The following FLT1 variants were observed in gnomAD, a reference collection of about 807,000 sequenced individuals.
FLT1 encodes the protein fms related receptor tyrosine kinase 1, also known as vascular endothelial growth factor receptor 1.
FLT1 carries 49 observed loss-of-function variants against 156.3 expected under a neutral mutation model. The ratio of observed to expected loss-of-function variants is 0.31; its 90% CI spans 0.25 to 0.40. FLT1 has a LOEUF of 0.40. Ranked by LOEUF, FLT1 falls within the 10% of genes least tolerant of loss-of-function variation. FLT1 has a pLI of 1.00. For synonymous variants in FLT1, 594 were observed against 583.8 expected, an observed-to-expected ratio of 1.02 and a Z score of -0.25; for missense variants, 1,322 against 1,637.2, an observed-to-expected ratio of 0.81 and a Z score of 3.32.
rs148225206 is a variant in FLT1, at chr13:28,340,847, C to A, written c.2356-1547G>T. Among the ~76,000 whole-genome samples, 981 of 150,968 alleles carry A rather than the reference C, an allele frequency of 6.5e-3. 10 individuals carry two copies. The highest frequency in any genetic ancestry group is 0.023 in the African/African-American group (949 of 41,228). On this transcript the variant is annotated intron_variant, in intron 16 of 29. Coordinates refer to ENST00000282397, the MANE Select transcript of FLT1 (RefSeq NM_002019.4). ...TCCATAAAGGATGAGAAGCAAAAAA[C>A]GATATGGAGCACGTTTGTCACAAAC...
At chr13:28,492,521 T>C (rs1358297840) in intron 1 of FLT1, among the ~76,000 whole-genome samples, 1 of 152,242 alleles carries the variant, frequency 6.6e-6, no homozygotes, top group East Asian at 1.9e-4. Context: ...ATTATCTTTT[T>C]GTAATACTGA....
chr13:28,379,716 A>G (rs1171288886), intron 14 of FLT1, among the ~76,000 whole-genome samples: 1 of 152,232 alleles, frequency 6.6e-6, no homozygotes, highest in Non-Finnish European at 1.5e-5. Flanking sequence ...TGCATGCTTA[A>G]GATCCCTTTT....
rs570010064 is a variant in FLT1, at chr13:28,395,344, G to A, written c.1660+1616C>T. 4.5e-4 allele frequency among the ~76,000 whole-genome samples: 68 copies of A among 152,172 alleles called. 1 individual carries two copies. Among genetic ancestry groups the A allele is most frequent in the Non-Finnish European group, 9.0e-4 (61 of 68,006 alleles). Reference sequence around the variant, plus strand: ...TCCCACCTTCTCTCTTCCTGTTCAGGTCCTGCTTCCTTCTCAGAGGCTTAC... The same window carrying A: ...TCCCACCTTCTCTCTTCCTGTTCAGATCCTGCTTCCTTCTCAGAGGCTTAC... On this transcript the variant is annotated intron_variant, in intron 12 of 29. Transcript: ENST00000282397.
intron 4 of FLT1, among the ~76,000 whole-genome samples, chr13:28,436,426 C>T (rs773938258): frequency 4.2e-4 from 64 of 152,176 alleles, no homozygotes; most frequent in African/African-American, 1.2e-4. Context: ...ATATATGTGC[C>T]AAACCAAAAT....
chr13:28,431,202 G>A lies in FLT1; in HGVS notation c.922C>T (p.Leu308Phe). The A allele has an allele frequency of 6.2e-7, 1 of 1,613,474 alleles. No individual in the cohort carries two copies. Among genetic ancestry groups the A allele is most frequent in the East Asian group, 2.2e-5 (1 of 44,884 alleles). Residue 308 changes from leucine to phenylalanine, a missense_variant, in exon 7 of 30, where the codon CTT (leucine) becomes TTT (phenylalanine). Leu to Phe is a conservative substitution (Grantham distance 22). Around this residue, in one of 3 missense-constraint regions of FLT1, gnomAD observed 991 missense variants for 1,254.8 expected, o/e 0.79. Transcript: ENST00000282397. ...IDKMQNKDKG[L>F]YTCRVRSGPS... ...CCACTCCTTACACGACAAGTATAAA[G>A]TCCTTTGTCTTTGTTCTGCATTTTG...
At chr13:28,452,339 T>C (rs1490992632) in intron 3 of FLT1, among the ~76,000 whole-genome samples, 3 of 152,172 alleles carry the variant, frequency 2.0e-5, no homozygotes, top group Non-Finnish European at 4.4e-5. Context: ...TTCTTTAACT[T>C]TTCTGTAAAG....
chr13:28,318,303 A>T (rs1301987776), intron 24 of FLT1, among the ~76,000 whole-genome samples: 1 of 151,586 alleles, frequency 6.6e-6, no homozygotes, highest in Non-Finnish European at 1.5e-5. Context: ...GGCTGAATGG[A>T]GTGGAATGGG....
chr13:28,424,451 C>CT (rs1184476532), intron 10 of FLT1, among the ~76,000 whole-genome samples: 5 of 151,162 alleles, frequency 3.3e-5, no homozygotes, highest in Admixed American at 6.6e-5. Flanking sequence ...TATTTTACTA[C>CT]TTTTTTTTTA....
chr13:28,459,867 C>A (rs546395741), intron 3 of FLT1, among the ~76,000 whole-genome samples: 3 of 152,374 alleles, frequency 2.0e-5, no homozygotes, highest in Admixed American at 6.5e-5. Flanking sequence ...ACAGTGCTGA[C>A]CTGCATGAAA....
intron 14 of FLT1, among the ~76,000 whole-genome samples, chr13:28,378,043 A>C (rs543470953): frequency 6.6e-6 from 1 of 151,180 alleles, no homozygotes; most frequent in Non-Finnish European, 1.5e-5. Flanking sequence ...TCTTCAAGAG[A>C]CTTAATCTTT....
intron 3 of FLT1, among the ~76,000 whole-genome samples, chr13:28,461,602 A>C (rs942154019): frequency 2.6e-5 from 4 of 152,232 alleles, no homozygotes; most frequent in Non-Finnish European, 4.4e-5. Flanking sequence ...CGACAAAGCA[A>C]GACTATCTCA....
chr13:28,494,713 G>T (rs896063920), intron 1 of FLT1, 67 bp downstream of exon 1: 1 of 1,308,256 alleles, frequency 7.6e-7, no homozygotes, highest in South Asian at 1.3e-5. Flanking sequence ...CCCTGGCCTC[G>T]GAGGCTCTGC....
At chr13:28,327,322 A>C in intron 20 of FLT1, 140 bp downstream of exon 20, 1 of 664,068 alleles carries the variant, frequency 1.5e-6, no homozygotes, top group Non-Finnish European at 2.7e-6. Flanking sequence ...AAAAAACATG[A>C]AAAAAGGAGA....
At chr13:28,411,546 C>CAAA (rs71086852) in intron 10 of FLT1, among the ~76,000 whole-genome samples, 46 of 84,712 alleles carry the variant, frequency 5.4e-4, no homozygotes, top group South Asian at 1.3e-3. Flanking sequence ...AACTCCATCT[C>CAAA]AAAAAAAAAA....
intron 23 of FLT1, 85 bp downstream of exon 23, chr13:28,321,378 G>A: frequency 6.7e-7 from 1 of 1,493,762 alleles, no homozygotes; most frequent in East Asian, 2.3e-5. Flanking sequence ...AGGGACTACA[G>A]CTGAGGAAGT....
intron 3 of FLT1, among the ~76,000 whole-genome samples, chr13:28,457,209 C>T (rs1263149260): frequency 6.6e-6 from 1 of 151,896 alleles, no homozygotes; most frequent in Non-Finnish European, 1.5e-5. Flanking sequence ...CATGCACACA[C>T]ATCTAATTTT....
chr13:28,425,068 C>A (rs902087858), intron 10 of FLT1, among the ~76,000 whole-genome samples: 1 of 152,088 alleles, frequency 6.6e-6, no homozygotes. Flanking sequence ...TTCTGAAACA[C>A]CTCTAAGTTA....
chr13:28,317,745 G>T lies in FLT1; in HGVS notation c.3287-148C>A, dbSNP rs542867041. On this transcript the variant is annotated intron_variant, in intron 24 of 29. Coordinates refer to ENST00000282397, the MANE Select transcript of FLT1 (RefSeq NM_002019.4). ...GGATTACAACAGATCTCAACATACC[G>T]TACAACACACAGAGAAGCTCAGCAA... 32 of 687,106 alleles carry T rather than the reference G, an allele frequency of 4.7e-5. No homozygotes were observed. The highest frequency in any genetic ancestry group is 4.6e-4 in the African/African-American group (26 of 56,898). 42.6% of individuals were successfully genotyped at this position (687,106 alleles called of 1,614,324 possible).
rs1203318919 is a variant in FLT1, at chr13:28,397,021, G to A, written c.1599C>T (p.Tyr533=). The A allele has an allele frequency of 6.2e-7, 1 of 1,613,796 alleles. No homozygotes were observed. Among genetic ancestry groups the A allele is most frequent in the African/African-American group, 1.3e-5 (1 of 74,928 alleles). ...CAACTTTATTGGAAGCTATGCAAAT[G>A]TAGATTCCAGAAATTCTAGAGTCAG... ...VVADSRISGI[Y]ICIASNKVGT... Residue 533 remains tyrosine, a synonymous_variant, in exon 12 of 30, where the codon TAC becomes TAT. Transcript: ENST00000282397.
Sources: gnomAD v4.1 joint callset for allele counts (sites outside exome capture counted in the v4.1 genomes callset) on GRCh38, gnomAD v4.1.1 for gene constraint, gnomAD v4.1.1 regional missense constraint, MANE v1.5 for transcripts, NCBI Gene and HGNC (gene_info 2026-07-23, HGNC 2026-07-21) for gene names.